Variants in ZFHX3 observed in about 807,000 individuals in gnomAD.
The protein encoded by ZFHX3 is zinc finger homeobox protein 3.
In ZFHX3, 42 loss-of-function variants were observed where a neutral mutation model predicts 279.1. That is an observed-to-expected ratio of 0.15 (90% CI 0.12 to 0.19). ZFHX3 has a LOEUF of 0.19. Ranked by LOEUF, ZFHX3 falls within the 10% of genes least tolerant of loss-of-function variation. ZFHX3 has a pLI of 1.00. For missense variants in ZFHX3, 4,981 were observed against 4,754.0 expected (o/e 1.05, Z -1.40); for synonymous variants, 2,293 against 1,957.8 (o/e 1.17, Z -4.52).
intron 2 of ZFHX3, among the ~76,000 whole-genome samples, chr16:73,649,445 C>T (rs1567542307): frequency 6.6e-6 from 1 of 152,142 alleles, no homozygotes; most frequent in African/African-American, 2.4e-5. Context: ...AATGTAAATA[C>T]AGAGTGTGTA....
At chr16:73,324,772 G>A (rs1188369950) in intron 3 of ZFHX3, among the ~76,000 whole-genome samples, 1 of 152,176 alleles carries the variant, frequency 6.6e-6, no homozygotes, top group Non-Finnish European at 1.5e-5. Flanking sequence ...AGAACTTCTG[G>A]AGAAGATATC....
intron 7 of ZFHX3, among the ~76,000 whole-genome samples, chr16:73,119,723 C>T (rs887512187): frequency 6.6e-6 from 1 of 152,152 alleles, no homozygotes. Flanking sequence ...CTTGCTCTAT[C>T]CCCCAGGCTG....
chr16:73,541,349 G>T (rs914572982), intron 2 of ZFHX3, among the ~76,000 whole-genome samples: 101 of 152,216 alleles, frequency 6.6e-4, no homozygotes, highest in African/African-American at 2.4e-3. Context: ...AGCCAGGCCT[G>T]TGGGTGCACA....
intron 2 of ZFHX3, among the ~76,000 whole-genome samples, chr16:73,628,727 T>C (rs1437852340): frequency 6.6e-6 from 1 of 152,212 alleles, no homozygotes; most frequent in Non-Finnish European, 1.5e-5. Context: ...TTTCTTTCCA[T>C]TGCGTTTATG....
At position 73,113,861 on chromosome 16, in the gene ZFHX3, C is replaced by G. The variant is rs141897667; in HGVS notation, c.-897+17107G>C. Among the ~76,000 whole-genome samples the G allele has an allele frequency of 4.1e-4, 59 of 144,108 alleles. 1 individual carries two copies. Among genetic ancestry groups the G allele is most frequent in the Admixed American group, 1.4e-3 (19 of 13,962 alleles). 94.5% of individuals were successfully genotyped at this position (144,108 alleles called of 152,430 possible). ...CCAGGCTGGAGTGCAGTGGCGCGAT[C>G]TCTGCTTACTGCAAGCTCCACCTCT... On this transcript the variant is annotated intron_variant, in intron 7 of 17. Coordinates refer to the ZFHX3 transcript ENST00000641206.
intron 2 of ZFHX3, among the ~76,000 whole-genome samples, chr16:73,515,504 G>A (rs889430502): frequency 6.7e-6 from 1 of 149,360 alleles, no homozygotes; most frequent in African/African-American, 2.5e-5. Context: ...AGGAGAGAGA[G>A]AAAGAGAGAG....
rs762513291 is a variant in ZFHX3 at position 72,787,743 on chromosome 16, ACCGCCG to A, written c.10527_10532del (p.Gly3511_Gly3512del). On this transcript the variant is annotated inframe_deletion, in exon 10 of 10. Coordinates refer to ENST00000268489, the MANE Select transcript of ZFHX3 (RefSeq NM_006885.4). ...CACCGCCGCCGCCGCCGCCACTGCC[ACCGCCG>A]CCGCCGCCGGTGGGGACGTGAAGCA... 3.3e-4 allele frequency: 461 copies of A among 1,376,220 alleles called. 5 individuals are homozygous for A. The East Asian group carries it at 8.5e-3, about 26-fold the overall frequency. 85.3% of individuals were successfully genotyped at this position (1,376,220 alleles called of 1,614,324 possible).
intron 1 of ZFHX3, among the ~76,000 whole-genome samples, chr16:73,682,946 G>GAAAAAGAAAGAAAGAAAGAAAGAAAGA (rs879488631): frequency 5.0e-4 from 9 of 17,850 alleles, no homozygotes; most frequent in African/African-American, 1.4e-3. Context: ...AAGAAAGAAA[G>GAAAAAGAAAGAAAGAAAGAAAGAAAGA]AAAGAAAGAA....
chr16:73,272,541 T>C (rs543754877), intron 4 of ZFHX3, among the ~76,000 whole-genome samples: 1 of 152,300 alleles, frequency 6.6e-6, no homozygotes, highest in African/African-American at 2.4e-5. Context: ...GCACCTAACT[T>C]GTACCAAGGA....
chr16:73,732,444 C>T (rs764747603), intron 1 of ZFHX3, among the ~76,000 whole-genome samples: 1 of 152,204 alleles, frequency 6.6e-6, no homozygotes, highest in Non-Finnish European at 1.5e-5. Flanking sequence ...GGCCATATGT[C>T]TGGATTTGCC....
intron 5 of ZFHX3, among the ~76,000 whole-genome samples, chr16:73,202,446 C>T (rs1275478680): frequency 1.3e-5 from 2 of 152,218 alleles, no homozygotes; most frequent in South Asian, 2.1e-4. Context: ...AGTTTCTGTA[C>T]TAAGGCAGCC....
chr16:73,324,805 T>C (rs1412965536), intron 3 of ZFHX3, among the ~76,000 whole-genome samples: 3 of 152,140 alleles, frequency 2.0e-5, no homozygotes, highest in Non-Finnish European at 4.4e-5. Context: ...AAGGGTCAAG[T>C]TAGAATTTCT....
chr16:73,050,590 T>C (rs1001162367), upstream of ZFHX3, among the ~76,000 whole-genome samples: 1 of 152,234 alleles, frequency 6.6e-6, no homozygotes, highest in Non-Finnish European at 1.5e-5. Context: ...AATTGGCAAC[T>C]TCTGCACTTA....
chr16:73,487,129 G>A (rs1367552585), intron 2 of ZFHX3, among the ~76,000 whole-genome samples: 3 of 152,220 alleles, frequency 2.0e-5, no homozygotes, highest in Non-Finnish European at 4.4e-5. Context: ...AAAAGTGAGG[G>A]TTTTTGACCT....
intron 2 of ZFHX3, among the ~76,000 whole-genome samples, chr16:73,472,494 C>T (rs2018687628): frequency 6.6e-6 from 1 of 152,246 alleles, no homozygotes; most frequent in Admixed American, 6.5e-5. Flanking sequence ...TTCTACTTCA[C>T]CAGTGGGAAG....
At chr16:73,886,486 G>A (rs1362837473) in intron 1 of ZFHX3, among the ~76,000 whole-genome samples, 2 of 152,110 alleles carry the variant, frequency 1.3e-5, no homozygotes, top group Non-Finnish European at 2.9e-5. Flanking sequence ...ACAGAATGAC[G>A]CACATAATAA....
intron 4 of ZFHX3, among the ~76,000 whole-genome samples, chr16:72,864,478 T>G (rs2037964767): frequency 6.6e-6 from 1 of 151,780 alleles, no homozygotes; most frequent in African/African-American, 2.4e-5. Context: ...TTCATCCCCC[T>G]TCTTAGGAAG....
chr16:73,768,439 AC>A (rs2053978978), intron 1 of ZFHX3, among the ~76,000 whole-genome samples: 1 of 152,082 alleles, frequency 6.6e-6, no homozygotes, highest in African/African-American at 2.4e-5. Flanking sequence ...ACTGAGCCCA[AC>A]CCCTATGATA....
At chr16:73,197,883 CG>C (rs1968183484) in intron 5 of ZFHX3, among the ~76,000 whole-genome samples, 1 of 126,234 alleles carries the variant, frequency 7.9e-6, no homozygotes, top group Non-Finnish European at 1.6e-5. Flanking sequence ...ACTTGGGTGT[CG>C]GTAAAGAAAA....
Sources: allele counts gnomAD v4.1 joint callset (sites outside exome capture counted in the v4.1 genomes callset), GRCh38; gene constraint gnomAD v4.1.1; transcripts MANE v1.5; gene names NCBI Gene and HGNC (gene_info 2026-07-23, HGNC 2026-07-21).